Variants in PSMD3 observed in about 807,000 individuals in gnomAD.
PSMD3 encodes 26S proteasome non-ATPase regulatory subunit 3.
A neutral mutation model predicts 62.8 loss-of-function variants in PSMD3; 5 were observed. The ratio of observed to expected loss-of-function variants is 0.08; its 90% confidence interval spans 0.04 to 0.17. The LOEUF is 0.17. Among genes scored for constraint, PSMD3 ranks in the 10% least tolerant of loss-of-function variants. The pLI is 1.00. For synonymous variants in PSMD3, 265 were observed against 283.9 expected (o/e 0.93, Z 0.67); for missense variants, 524 against 713.6 (o/e 0.73, Z 3.03).
In PSMD3 at chr17:39,995,459, T is replaced by C; in HGVS notation, c.1252T>C (p.Ser418Pro). 6.2e-7 allele frequency: 1 copy of C among 1,614,074 alleles called. No individual in the cohort carries two copies. Residue 418 changes from serine to proline, a missense_variant, in exon 9 of 12, where the codon TCC becomes CCC. Transcript: ENST00000264639. The surrounding 1 kb of genome is among the most constrained non-coding windows in gnomAD (Gnocchi z 4.1). Reference protein sequence around the residue: ...RMISLSYSRISLADIAQKLQL... With the variant: ...RMISLSYSRIPLADIAQKLQL... ...GATCAGCCTCTCCTATTCCCGAATC[T>C]CCTTGGCTGACATCGCCCAGAAGCT...
chr17:39,995,022 G>C lies in PSMD3; in HGVS notation c.1050G>C (p.Gln350His). The change falls in exon 7 of 12, where the codon CAG becomes CAC. Residue 350 changes from glutamine to histidine, a missense_variant. This residue lies in a region of PSMD3 where 396 missense variants were observed against 475.8 expected (regional missense o/e 0.83). Transcript: ENST00000264639. The surrounding 1 kb of genome is among the most constrained non-coding windows in gnomAD (Gnocchi z 4.1). Reference protein sequence around the residue: ...GEIPDRLQFRQPSLKRSLMPY... With the variant: ...GEIPDRLQFRHPSLKRSLMPY... ...TCCCTGACCGGCTGCAGTTCCGCCA[G>C]CCCTCCCTCAAGCGCTCACTCATGC... is the stretch of plus-strand genomic sequence containing the variant. The C allele has an allele frequency of 6.2e-7, 1 of 1,614,114 alleles. No homozygotes were observed. Among genetic ancestry groups the C allele is most frequent in the Non-Finnish European group, 8.5e-7 (1 of 1,180,038 alleles).
At chr17:39,997,051 G>A (rs187858801) in intron 10 of PSMD3, among the ~76,000 whole-genome samples, 6 of 152,198 alleles carry the variant, frequency 3.9e-5, no homozygotes, top group East Asian at 1.9e-4. Context: ...ATCCTCCACC[G>A]GGAAGGCCTC....
intron 10 of PSMD3, among the ~76,000 whole-genome samples, chr17:39,997,043 C>T (rs183850869): frequency 1.3e-5 from 2 of 152,336 alleles, no homozygotes; most frequent in Admixed American, 6.5e-5. Flanking sequence ...CACATGGAAT[C>T]CTCCACCGGG....
At position 39,984,320 on chromosome 17, in the gene PSMD3, G is replaced by C; in HGVS notation, c.247G>C (p.Glu83Gln). The C allele has an allele frequency of 2.5e-6, 4 of 1,613,244 alleles. No homozygotes were observed. Among genetic ancestry groups the C allele is most frequent in the Non-Finnish European group, 2.5e-6 (3 of 1,179,784 alleles). The stretch of plus-strand genomic sequence containing the variant: ...CATCAAGGAGCACGTGAAACAGCTA[G>C]AGAAAGCGGTTTCAGGCAAGGAGCC... ...EDIKEHVKQL[E>Q]KAVSGKEPRF... Residue 83 changes from glutamate (E) to glutamine (Q), a missense_variant, in exon 2 of 12, where the codon GAG becomes CAG. Coordinates refer to ENST00000264639, the MANE Select transcript of PSMD3 (RefSeq NM_002809.4).
At chr17:39,988,040 G>A (rs1220336849) in intron 3 of PSMD3, among the ~76,000 whole-genome samples, 1 of 152,214 alleles carries the variant, frequency 6.6e-6, no homozygotes, top group East Asian at 1.9e-4. Flanking sequence ...CAGGGAGGCG[G>A]AGGTTGTGGT....
intron 4 of PSMD3, among the ~76,000 whole-genome samples, 173 bp from the exon 5 acceptor site, chr17:39,989,566 G>A (rs546248371): frequency 3.9e-5 from 6 of 152,222 alleles, no homozygotes; most frequent in African/African-American, 9.6e-5. Flanking sequence ...TCCCTTTGTC[G>A]CACCCAGAAT....
At position 39,995,321 on chromosome 17, in the gene PSMD3, T is replaced by C; in HGVS notation, c.1216+26T>C. The C allele has an allele frequency of 6.2e-7, 1 of 1,613,746 alleles. No homozygotes were observed. The highest frequency in any genetic ancestry group is 1.3e-5 in the African/African-American group (1 of 74,902). Reference sequence around the variant, plus strand: ...GTGTGGATCAGGATCTGAGGGGCTGTTGGAGGAGCAGAAGCCAGGCCAGGG... The same window carrying C: ...GTGTGGATCAGGATCTGAGGGGCTGCTGGAGGAGCAGAAGCCAGGCCAGGG... On this transcript the variant is annotated intron_variant, in intron 8 of 11. Coordinates refer to ENST00000264639, the MANE Select transcript of PSMD3 (RefSeq NM_002809.4). This position sits in a 1 kb window ranked among gnomAD's most constrained non-coding sequence, Gnocchi z 4.1.
At chr17:39,981,992 A>T (rs1980398719) in intron 1 of PSMD3, among the ~76,000 whole-genome samples, 1 of 152,236 alleles carries the variant, frequency 6.6e-6, no homozygotes, top group Admixed American at 6.5e-5. Context: ...TGAAGTGGGC[A>T]AAGTGAGAGC....
chr17:39,992,737 G>A (rs1478851492), intron 6 of PSMD3, among the ~76,000 whole-genome samples: 4 of 151,738 alleles, frequency 2.6e-5, no homozygotes, highest in Non-Finnish European at 4.4e-5. Flanking sequence ...TCAGTCTCCG[G>A]GAAGAAAACC....
chr17:39,992,024 C>CAAAAAAAAAAAAATAAAAA (rs59894264), intron 6 of PSMD3, among the ~76,000 whole-genome samples: 1 of 102,070 alleles, frequency 9.8e-6, no homozygotes, highest in Non-Finnish European at 2.1e-5. Flanking sequence ...GACTCTGTCT[C>CAAAAAAAAAAAAATAAAAA]AAAAAAAAAC....
At position 39,980,860 on chromosome 17, in the gene PSMD3, GA is replaced by G. The variant is rs1980360797; in HGVS notation, c.-110del. 1 of 999,978 alleles carries G rather than the reference GA, an allele frequency of 1.0e-6. No homozygotes were observed. The highest frequency in any genetic ancestry group is 3.2e-5 in the Admixed American group (1 of 31,118). The allele number at this position is 999,978 out of a possible 1,614,324, so 61.9% of individuals were successfully genotyped here. On this transcript the variant is annotated 5_prime_UTR_variant, in exon 1 of 12. Coordinates refer to ENST00000264639, the MANE Select transcript of PSMD3 (RefSeq NM_002809.4). ...CAGCTGCTCCGTCATCGTGCGGCCC[GA>G]CGCTATCTCGCGCTCGTGTGCAGGC...
chr17:39,994,239 T>C (rs3826331), intron 6 of PSMD3: 97,773 of 152,446 alleles, frequency 0.64, 31,564 homozygotes, highest in Middle Eastern at 0.78. Context: ...GTAACCCCTG[T>C]CTCCTGTGAC....
In PSMD3 at chr17:39,996,305, C is replaced by T. The variant is rs561369504; in HGVS notation, c.1443C>T (p.Ser481=). The change falls in exon 10 of 12, where the codon TCC becomes TCT. Residue 481 remains serine (S), a synonymous_variant. Coordinates refer to ENST00000264639, the MANE Select transcript of PSMD3 (RefSeq NM_002809.4). This position sits in a 1 kb window ranked among gnomAD's most constrained non-coding sequence, Gnocchi z 5.1. ...EPQLAFHQRI[S]FCLDIHNMSV... is the part of the protein sequence containing the mutation. ...AGCTAGCCTTCCACCAGCGCATCTC[C>T]TTCTGCCTAGATATCCACAACATGT... 9.3e-6 allele frequency: 15 copies of T among 1,614,042 alleles called. No individual in the cohort carries two copies. In the African/African-American group the frequency reaches 1.1e-4, roughly 11 times the overall value.
chr17:39,982,700 T>A (rs1980417692), intron 1 of PSMD3, among the ~76,000 whole-genome samples: 1 of 152,244 alleles, frequency 6.6e-6, no homozygotes, highest in African/African-American at 2.4e-5. Flanking sequence ...CAGCTGTTAT[T>A]ATTTATATCA....
In PSMD3 at chr17:39,995,481, A is replaced by G. The variant is rs1220457713; in HGVS notation, c.1274A>G (p.Lys425Arg). 10 of 1,613,946 alleles carry G rather than the reference A, an allele frequency of 6.2e-6. No individual in the cohort carries two copies. The highest frequency in any genetic ancestry group is 8.5e-6 in the Non-Finnish European group (10 of 1,179,994). The change falls in exon 9 of 12, where the codon AAG (lysine) becomes AGG (arginine). Residue 425 changes from lysine to arginine, a missense_variant. Lys to Arg is a conservative substitution (Grantham distance 26). Coordinates refer to ENST00000264639, the MANE Select transcript of PSMD3 (RefSeq NM_002809.4). This position sits in a 1 kb window ranked among gnomAD's most constrained non-coding sequence, Gnocchi z 4.1. ...ATCTCCTTGGCTGACATCGCCCAGA[A>G]GCTGCAGTTGGATAGCCCCGAAGAT... ...SRISLADIAQ[K>R]LQLDSPEDAE...
intron 6 of PSMD3, among the ~76,000 whole-genome samples, chr17:39,992,024 C>CAAAAAAAAAAAAAAAAAAACAAA (rs59894264): frequency 2.0e-5 from 2 of 102,068 alleles, no homozygotes; most frequent in Non-Finnish European, 4.3e-5. Context: ...GACTCTGTCT[C>CAAAAAAAAAAAAAAAAAAACAAA]AAAAAAAAAC....
At chr17:39,981,719 G>A (rs1980390124) in intron 1 of PSMD3, among the ~76,000 whole-genome samples, 1 of 152,302 alleles carries the variant, frequency 6.6e-6, no homozygotes, top group Middle Eastern at 3.4e-3. Flanking sequence ...TCTAACTGAA[G>A]TGTCCCAACA....
At chr17:39,984,199 CA>C (rs34306234) in intron 1 of PSMD3, 94 bp from the exon 2 acceptor site, 38,771 of 315,586 alleles carry the variant, frequency 0.12, no homozygotes, top group East Asian at 0.16. Flanking sequence ...GACTCCGTCT[CA>C]AAAAAAAAAA....
intron 6 of PSMD3, 47 bp downstream of exon 6, chr17:39,990,244 TTTTA>T: frequency 6.8e-7 from 1 of 1,480,918 alleles, no homozygotes; most frequent in Admixed American, 2.0e-5. Context: ...TTTTTTTTTT[TTTTA>T]AATGGTGTCT....
Sources: gnomAD v4.1 joint callset for allele counts (sites outside exome capture counted in the v4.1 genomes callset) on GRCh38, gnomAD v4.1.1 for gene constraint, gnomAD v4.1.1 regional missense constraint, Gnocchi (gnomAD v3.1) non-coding constraint, MANE v1.5 for transcripts, NCBI Gene and HGNC (gene_info 2026-07-23, HGNC 2026-07-21) for gene names.